GLIS3: variants seen among roughly 807,000 people sequenced by gnomAD.
GLIS3 encodes the protein GLIS family zinc finger 3, also known as zinc finger protein GLIS3.
A neutral mutation model predicts 78.6 loss-of-function variants in GLIS3; 53 were observed. That is an observed-to-expected ratio of 0.67 (90% CI 0.54 to 0.85). The LOEUF (loss-of-function observed/expected upper bound fraction) is 0.85, where lower values mean the gene tolerates loss of function less well. GLIS3 is among the 40% of genes least tolerant of loss of function. The pLI, the probability that GLIS3 is intolerant of heterozygous loss-of-function variation, is 0.00. For missense variants in GLIS3, 1,703 were observed against 1,231.1 expected, an observed-to-expected ratio of 1.38 and a Z score of -5.74; for synonymous variants, 684 against 509.9, an observed-to-expected ratio of 1.34 and a Z score of -4.60.
chr9:3,871,176 G>T (rs1351241389), intron 8 of GLIS3, among the ~76,000 whole-genome samples: 1 of 152,212 alleles, frequency 6.6e-6, no homozygotes, highest in Non-Finnish European at 1.5e-5. Flanking sequence ...CAAGAGGTGG[G>T]TTCCCATGGT....
chr9:4,121,620 G>A (rs1342801924), intron 3 of GLIS3, among the ~76,000 whole-genome samples: 1 of 142,114 alleles, frequency 7.0e-6, no homozygotes, highest in Non-Finnish European at 1.5e-5. Context: ...TTCTCCCAGT[G>A]ACACACACAC....
rs141335919 is a variant in GLIS3 at position 4,066,794 on chromosome 9, G to A, written c.1710+50974C>T. On this transcript the variant is annotated intron_variant, in intron 4 of 10. Transcript: ENST00000381971. ...GAGTAATTCTCATCCTTGTTCTAGCGTGCTTGTCTGCTTGCTTTCATTGCA... is the reference window on the plus strand; with the variant it reads ...GAGTAATTCTCATCCTTGTTCTAGCATGCTTGTCTGCTTGCTTTCATTGCA... Among the ~76,000 whole-genome samples the A allele has an allele frequency of 5.5e-3, 839 of 152,308 alleles. 5 individuals are homozygous for A. The highest frequency in any genetic ancestry group is 0.019 in the African/African-American group (792 of 41,574).
At chr9:4,432,266 C>A in the GLIS3 span, among the ~76,000 whole-genome samples, 1,099 of 152,218 alleles carry the variant, frequency 7.2e-3, 12 homozygotes, top group African/African-American at 0.026. Flanking sequence ...TGATAAAGTA[C>A]CTTTAGTACT....
In GLIS3 at chr9:3,828,375, A is replaced by G. The variant is rs1002260300; in HGVS notation, c.2690T>C (p.Phe897Ser). Residue 897 changes from phenylalanine to serine, a missense_variant, in exon 11 of 11, where the codon TTT (phenylalanine) becomes TCT (serine). Coordinates refer to ENST00000381971, the MANE Select transcript of GLIS3 (RefSeq NM_001042413.2). ...AGCCCCGCTGCGGAGAGACTCCCCAAAGAGGCTCGAGGAACTTGAAGGTAA... is the reference window on the plus strand; with the variant it reads ...AGCCCCGCTGCGGAGAGACTCCCCAGAGAGGCTCGAGGAACTTGAAGGTAA... ...YDLPSSSSSL[F>S]GESLRSGAED... 9 of 1,613,706 alleles carry G rather than the reference A, an allele frequency of 5.6e-6. No individual in the cohort carries two copies. The highest frequency in any genetic ancestry group is 1.3e-5 in the African/African-American group (1 of 75,048).
At chr9:4,169,325 C>T (rs1477950887) in intron 2 of GLIS3, among the ~76,000 whole-genome samples, 1 of 152,196 alleles carries the variant, frequency 6.6e-6, no homozygotes, top group Non-Finnish European at 1.5e-5. Context: ...CCAGTTTGAA[C>T]ACCCTAAGAA....
chr9:4,178,302 T>C (rs1275812145), intron 2 of GLIS3, among the ~76,000 whole-genome samples: 1 of 152,140 alleles, frequency 6.6e-6, no homozygotes, highest in African/African-American at 2.4e-5. Context: ...TACTTACTCT[T>C]CTAGGTCACT....
At chr9:3,910,315 GT>G (rs1824048499) in intron 6 of GLIS3, among the ~76,000 whole-genome samples, 1 of 152,114 alleles carries the variant, frequency 6.6e-6, no homozygotes, top group Non-Finnish European at 1.5e-5. Context: ...CTCTTAGTGG[GT>G]TTTTCTCTAG....
chr9:4,203,573 T>C (rs1198681725), intron 2 of GLIS3, among the ~76,000 whole-genome samples: 3 of 152,158 alleles, frequency 2.0e-5, no homozygotes, highest in Admixed American at 1.3e-4. Context: ...ATTAATACTA[T>C]TTCACCCCAC....
At position 4,261,154 on chromosome 9, in the gene GLIS3, A is replaced by C. The variant is rs115370690; in HGVS notation, c.388+24884T>G. Among the ~76,000 whole-genome samples the C allele has an allele frequency of 1.8e-3, 281 of 152,324 alleles. 3 individuals are homozygous for C. Among genetic ancestry groups the C allele is most frequent in the African/African-American group, 6.3e-3 (262 of 41,580 alleles). On this transcript the variant is annotated intron_variant, in intron 2 of 10. Coordinates refer to ENST00000381971, the MANE Select transcript of GLIS3 (RefSeq NM_001042413.2). Reference sequence around the variant, plus strand: ...AACTGAGTCTTGATTAACTCATCCCAAGGTAAAATTCATTCATAGGATCAT... The same window carrying C: ...AACTGAGTCTTGATTAACTCATCCCCAGGTAAAATTCATTCATAGGATCAT...
Position 3,964,424 on chromosome 9 carries a change from C to G in GLIS3, c.1711-27235G>C, listed in dbSNP as rs148309455. Among the ~76,000 whole-genome samples the G allele has an allele frequency of 7.4e-3, 1,133 of 152,244 alleles. 15 individuals carry two copies. Among genetic ancestry groups the G allele is most frequent in the African/African-American group, 0.025 (1,057 of 41,546 alleles). On this transcript the variant is annotated intron_variant, in intron 4 of 10. Transcript: ENST00000381971. ...ACAAAAGGTCAAGACGTTACCCCCCCAAAAAGGAACAAATGAAGAGAATTC... is the reference window on the plus strand; with the variant it reads ...ACAAAAGGTCAAGACGTTACCCCCCGAAAAAGGAACAAATGAAGAGAATTC...
At position 3,825,333 on chromosome 9, in the gene GLIS3, TA is replaced by T. The variant is rs1317725967; in HGVS notation, c.*2938del. The T allele has an allele frequency of 6.6e-6, 1 of 152,166 alleles. No individual in the cohort carries two copies. Among genetic ancestry groups the T allele is most frequent in the Admixed American group, 6.5e-5 (1 of 15,272 alleles). The allele number at this position is 152,166 out of a possible 1,614,324, so 9.4% of individuals were successfully genotyped here. A position where few individuals can be genotyped will look rare whatever the true frequency, so the allele number is the denominator to read the frequency against. ...GACCTGTAAATATTTAAATAATATTTAACAGCTGATCAGAGGCTAAATTACA... is the reference window on the plus strand; with the variant it reads ...GACCTGTAAATATTTAAATAATATTTACAGCTGATCAGAGGCTAAATTACA... On this transcript the variant is annotated 3_prime_UTR_variant, in exon 11 of 11. Transcript: ENST00000381971.
At chr9:4,378,367 C>T in the GLIS3 span, among the ~76,000 whole-genome samples, 2 of 152,124 alleles carry the variant, frequency 1.3e-5, no homozygotes, top group Non-Finnish European at 2.9e-5. Flanking sequence ...ATTTCAGATA[C>T]ACTGAAAACA....
chr9:4,058,768 CAGG>C (rs1217092127), intron 4 of GLIS3, among the ~76,000 whole-genome samples: 1 of 152,074 alleles, frequency 6.6e-6, no homozygotes, highest in African/African-American at 2.4e-5. Context: ...ATCACGAGGT[CAGG>C]AGATCGAGAC....
chr9:4,319,302 T>A (rs1817485381), intron 2 of GLIS3, among the ~76,000 whole-genome samples: 1 of 152,216 alleles, frequency 6.6e-6, no homozygotes, highest in Non-Finnish European at 1.5e-5. Context: ...ATGGCCATTA[T>A]ATCCATAGCT....
At chr9:4,341,262 C>T (rs1280664195) in intron 2 of GLIS3, among the ~76,000 whole-genome samples, 3 of 152,224 alleles carry the variant, frequency 2.0e-5, no homozygotes, top group Admixed American at 1.3e-4. Flanking sequence ...TCTGGCATCA[C>T]TGGAGCTTAA....
intron 2 of GLIS3, among the ~76,000 whole-genome samples, chr9:4,180,741 T>TA (rs571346964): frequency 6.6e-6 from 1 of 152,198 alleles, no homozygotes; most frequent in African/African-American, 2.4e-5. Context: ...GTAAGAGTTA[T>TA]AAATTGGACA....
At chr9:3,881,042 C>A (rs1473495437) in intron 7 of GLIS3, among the ~76,000 whole-genome samples, 1 of 152,196 alleles carries the variant, frequency 6.6e-6, no homozygotes, top group African/African-American at 2.4e-5. Context: ...TGCAAACTCA[C>A]TAGAGTCACC....
chr9:4,333,520 G>C (rs958390976), intron 2 of GLIS3, among the ~76,000 whole-genome samples: 1 of 152,176 alleles, frequency 6.6e-6, no homozygotes, highest in Non-Finnish European at 1.5e-5. Flanking sequence ...GACAGAACAA[G>C]ATCTTGCTCA....
rs149816338 is a variant in GLIS3, at chr9:4,337,299, G to A, written n.264+9782C>T. Among the ~76,000 whole-genome samples the A allele has an allele frequency of 3.9e-5, 6 of 152,146 alleles. No homozygotes were observed. In the East Asian group the frequency reaches 5.8e-4, roughly 15 times the overall value. On this transcript the variant is annotated intron_variant and non_coding_transcript_variant, in intron 2 of 4. Transcript: ENST00000471664. ...AAGTGTTAATTATTGTAACAAAGCT[G>A]GAAATAACATAAATGTCTAACAATC...
Sources: gnomAD v4.1 joint callset for allele counts (sites outside exome capture counted in the v4.1 genomes callset) on GRCh38, gnomAD v4.1.1 for gene constraint, MANE v1.5 for transcripts, NCBI Gene and HGNC (gene_info 2026-07-23, HGNC 2026-07-21) for gene names.